The following LRP5 variants were observed in gnomAD, a reference collection of about 807,000 sequenced individuals.
LRP5 encodes the protein low-density lipoprotein receptor-related protein 5.
A neutral mutation model predicts 154.1 loss-of-function variants in LRP5; 62 were observed. The ratio of observed to expected loss-of-function variants is 0.40; its 90% confidence interval spans 0.33 to 0.50. The LOEUF (loss-of-function observed/expected upper bound fraction) is 0.50, where lower values mean the gene tolerates loss of function less well. Among genes scored for constraint, LRP5 ranks in the 20% least tolerant of loss-of-function variants. The pLI, the probability that LRP5 is intolerant of heterozygous loss-of-function variation, is 0.55. For synonymous variants in LRP5, 966 were observed against 1,011.5 expected, an observed-to-expected ratio of 0.96 and a Z score of 0.85; for missense variants, 1,915 against 2,336.7, an observed-to-expected ratio of 0.82 and a Z score of 3.72.
chr11:68,439,072 G>C (rs1361663352), intron 20 of LRP5, among the ~76,000 whole-genome samples: 1 of 152,230 alleles, frequency 6.6e-6, no homozygotes, highest in African/African-American at 2.4e-5. Context: ...CTTGAGTGCA[G>C]CTGGGATTTG....
intron 1 of LRP5, among the ~76,000 whole-genome samples, chr11:68,317,169 C>A (rs1267314980): frequency 6.6e-6 from 1 of 152,240 alleles, no homozygotes; most frequent in South Asian, 2.1e-4. Flanking sequence ...CCGGCTGGCT[C>A]CGGCTGCTCT....
At chr11:68,380,598 G>GT (rs2153149196) in intron 5 of LRP5, among the ~76,000 whole-genome samples, 1 of 152,354 alleles carries the variant, frequency 6.6e-6, no homozygotes, top group African/African-American at 2.4e-5. Context: ...GTCGGGATCT[G>GT]CTGCACGCAC....
chr11:68,421,234 ACT>A (rs1315621346), intron 13 of LRP5, among the ~76,000 whole-genome samples: 1 of 150,736 alleles, frequency 6.6e-6, no homozygotes, highest in Admixed American at 6.6e-5. Context: ...CTCACGCAAA[ACT>A]CTGTCTCACG....
intron 16 of LRP5, among the ~76,000 whole-genome samples, chr11:68,427,679 CA>C (rs770310013): frequency 1.3e-3 from 166 of 129,202 alleles, no homozygotes; most frequent in Admixed American, 1.3e-3. Flanking sequence ...GACTCCGTCT[CA>C]AAAAAAAAAA....
upstream of LRP5, among the ~76,000 whole-genome samples, chr11:68,309,631 A>G (rs2098586545): frequency 6.7e-6 from 1 of 149,572 alleles, no homozygotes; most frequent in Admixed American, 6.7e-5. Flanking sequence ...TAATCATTTC[A>G]ATAACTGACT....
Position 68,389,929 on chromosome 11 carries a change from C to T in LRP5, c.1461C>T (p.Ala487=), listed in dbSNP as rs267603151. The T allele has an allele frequency of 1.9e-6, 3 of 1,614,240 alleles. No individual in the cohort carries two copies. In the South Asian group the frequency reaches 3.3e-5, roughly 18 times the overall value. ...GAGAGAACCCTAAAATCGAGTGTGC[C>T]AACTTGGATGGGCAGGAGCGGCGTG... ...DWGENPKIEC[A]NLDGQERRVL... Residue 487 remains alanine, a synonymous_variant, in exon 7 of 23, where the codon GCC becomes GCT. Coordinates refer to ENST00000294304, the MANE Select transcript of LRP5 (RefSeq NM_002335.4).
Position 68,432,311 on chromosome 11 carries a change from C to T in LRP5, c.3764-1291C>T, listed in dbSNP as rs1474634481. On this transcript the variant is annotated intron_variant, in intron 17 of 22. Coordinates refer to ENST00000294304, the MANE Select transcript of LRP5 (RefSeq NM_002335.4). ...TCTGCCCCATGTCGCCCTCAACCTC[C>T]AGCCACCGGTCCTCCGTGTCCCCCA... Among the ~76,000 whole-genome samples, 27 of 152,368 alleles carry T rather than the reference C, an allele frequency of 1.8e-4. 1 individual carries two copies. The East Asian group carries it at 3.1e-3, about 17-fold the overall frequency.
rs774251511 is a variant in LRP5, at chr11:68,439,870, C to CCTCGTCCAGCAG, written c.4454_4465dup (p.Ser1485_Ser1488dup). 3.8e-6 allele frequency: 6 copies of CCTCGTCCAGCAG among 1,598,744 alleles called. No homozygotes were observed. Among genetic ancestry groups the CCTCGTCCAGCAG allele is most frequent in the African/African-American group, 1.3e-5 (1 of 74,734 alleles). On this transcript the variant is annotated inframe_insertion, in exon 21 of 23. Coordinates refer to ENST00000294304, the MANE Select transcript of LRP5 (RefSeq NM_002335.4). ...TACGACCGGAACCACGTCACAGGGG[C>CCTCGTCCAGCAG]CTCGTCCAGCAGCTCGTCCAGCACG...
chr11:68,350,344 G>A (rs1376869817), intron 2 of LRP5, among the ~76,000 whole-genome samples: 3 of 152,232 alleles, frequency 2.0e-5, no homozygotes, highest in Non-Finnish European at 2.9e-5. Context: ...GCCTGACCTA[G>A]ATCTTCTAGG....
chr11:68,313,602 T>G (rs1166602853), intron 1 of LRP5, among the ~76,000 whole-genome samples: 4 of 152,218 alleles, frequency 2.6e-5, no homozygotes, highest in East Asian at 1.9e-4. Context: ...ACTTAAGCAG[T>G]CGTGAAACGC....
Position 68,413,381 on chromosome 11 carries a change from T to C in LRP5, c.2504-308T>C, listed in dbSNP as rs1409112340. On this transcript the variant is annotated intron_variant, in intron 11 of 22. Transcript: ENST00000294304. This position sits in a 1 kb window ranked among gnomAD's most constrained non-coding sequence, Gnocchi z 5.1. The stretch of plus-strand genomic sequence containing the variant: ...AACATGGAAGGCCTGGTCTCATTGC[T>C]GTGGGAGTGAAGGATGCACAGCCAG... Among the ~76,000 whole-genome samples, 1 of 152,188 alleles carries C rather than the reference T, an allele frequency of 6.6e-6. No individual in the cohort carries two copies. The highest frequency in any genetic ancestry group is 1.5e-5 in the Non-Finnish European group (1 of 68,020).
chr11:68,316,205 G>T (rs76710454), intron 1 of LRP5, among the ~76,000 whole-genome samples: 1,953 of 152,210 alleles, frequency 0.013, 27 homozygotes, highest in Non-Finnish European at 0.02. Context: ...CGTCTTCGTG[G>T]CTGACTTCCT....
chr11:68,312,024 T>C (rs1375379993), upstream of LRP5, among the ~76,000 whole-genome samples: 4 of 152,268 alleles, frequency 2.6e-5, no homozygotes, highest in African/African-American at 7.2e-5. Flanking sequence ...ACTTTCTCCC[T>C]GTCAGCCTAG....
chr11:68,422,769 C>T (rs1469479370), intron 13 of LRP5, among the ~76,000 whole-genome samples: 1 of 151,082 alleles, frequency 6.6e-6, no homozygotes, highest in African/African-American at 2.4e-5. Flanking sequence ...CCCCCAGCCT[C>T]ACCTACCCCC....
chr11:68,324,913 C>T (rs1217883236), intron 1 of LRP5, among the ~76,000 whole-genome samples: 4 of 152,102 alleles, frequency 2.6e-5, no homozygotes, highest in Admixed American at 6.5e-5. Flanking sequence ...GGGTGCTAGG[C>T]GCTGGGCTCT....
intron 3 of LRP5, among the ~76,000 whole-genome samples, chr11:68,358,106 GT>G (rs917853411): frequency 1.4e-3 from 201 of 144,970 alleles, no homozygotes; most frequent in East Asian, 4.8e-3. Flanking sequence ...CCCATGCACA[GT>G]TTTTTTTTTT....
intron 16 of LRP5, among the ~76,000 whole-genome samples, chr11:68,429,219 C>T (rs978126403): frequency 2.0e-5 from 3 of 151,932 alleles, no homozygotes; most frequent in Admixed American, 6.6e-5. Context: ...CACCACTGCC[C>T]TCCAGCCTGG....
rs75571306 is a variant in LRP5, at chr11:68,439,886, G to A, written c.4458G>A (p.Ser1486=). Residue 1486 remains serine, a synonymous_variant, in exon 21 of 23, where the codon TCG becomes TCA. Transcript: ENST00000294304. ...TCACAGGGGCCTCGTCCAGCAGCTCGTCCAGCACGAAGGCCACGCTGTACC... is the reference window on the plus strand; with the variant it reads ...TCACAGGGGCCTCGTCCAGCAGCTCATCCAGCACGAAGGCCACGCTGTACC... ...NHVTGASSSS[S]SSTKATLYPP... The A allele has an allele frequency of 2.0e-4, 320 of 1,574,330 alleles. No individual in the cohort carries two copies. The African/African-American group carries it at 3.5e-3, about 17-fold the overall frequency.
At chr11:68,313,030 G>T (rs1346130694) in intron 1 of LRP5, among the ~76,000 whole-genome samples, 21 of 147,906 alleles carry the variant, frequency 1.4e-4, no homozygotes, top group African/African-American at 5.1e-4. Context: ...TGCGTCCCGG[G>T]CTGGCGAGGA....
Sources: gnomAD v4.1 joint callset for allele counts (sites outside exome capture counted in the v4.1 genomes callset) on GRCh38, gnomAD v4.1.1 for gene constraint, Gnocchi (gnomAD v3.1) non-coding constraint, MANE v1.5 for transcripts, NCBI Gene and HGNC (gene_info 2026-07-23, HGNC 2026-07-21) for gene names.